UTP23: variants seen among roughly 807,000 people sequenced by gnomAD.
UTP23 encodes UTP23 small subunit processome component, also known as rRNA-processing protein UTP23 homolog.
A neutral mutation model predicts 19.8 loss-of-function variants in UTP23; 10 were observed. That is an observed-to-expected ratio of 0.50 (90% CI 0.31 to 0.86). The LOEUF is 0.86. Ranked by LOEUF, UTP23 falls within the 40% of genes least tolerant of loss-of-function variation. The pLI, the probability that UTP23 is intolerant of heterozygous loss-of-function variation, is 0.05. For missense variants in UTP23, 282 were observed against 293.1 expected (o/e 0.96, Z 0.28); for synonymous variants, 108 against 105.4 (o/e 1.02, Z -0.15).
chr8:116,766,537 C>T lies in UTP23; in HGVS notation c.-67C>T, dbSNP rs1815578353. The T allele has an allele frequency of 1.3e-6, 2 of 1,542,592 alleles. No homozygotes were observed. The highest frequency in any genetic ancestry group is 1.8e-6 in the Non-Finnish European group (2 of 1,139,824). ...CCGGGTGAAACTGGCATTGAGGGTA[C>T]TGGGGCGTGCGTGAGGCGTTTACTG... On this transcript the variant is annotated 5_prime_UTR_variant, in exon 1 of 3. Transcript: ENST00000309822.
At position 116,773,464 on chromosome 8, in the gene UTP23, C is replaced by CT. The variant is rs1488430055; in HGVS notation, c.*1628dup. ...TGAACTGGAGAGCTGGAAAAATCCACTTTTTTATGAAGCAGTAATTATAGA... is the reference window on the plus strand; with the variant it reads ...TGAACTGGAGAGCTGGAAAAATCCACTTTTTTTATGAAGCAGTAATTATAGA... On this transcript the variant is annotated 3_prime_UTR_variant, in exon 3 of 3. Transcript: ENST00000309822. 4.1e-5 allele frequency: 40 copies of CT among 983,598 alleles called. No homozygotes were observed. The highest frequency in any genetic ancestry group is 4.7e-5 in the Non-Finnish European group (39 of 828,446). The allele number at this position is 983,598 out of a possible 1,614,324, so 60.9% of individuals were successfully genotyped here.
At chr8:116,767,687 G>A (rs1815602416) in intron 1 of UTP23, among the ~76,000 whole-genome samples, 1 of 152,164 alleles carries the variant, frequency 6.6e-6, no homozygotes, top group Admixed American at 6.5e-5. Flanking sequence ...GAAATGCCTG[G>A]GAAAGAGGTT....
At chr8:116,768,694 T>C (rs1815615501) in intron 1 of UTP23, among the ~76,000 whole-genome samples, 1 of 152,224 alleles carries the variant, frequency 6.6e-6, no homozygotes, top group African/African-American at 2.4e-5. Context: ...AGATGGAGTC[T>C]CACTTTATTG....
chr8:116,767,118 C>G (rs1019902003), intron 1 of UTP23, among the ~76,000 whole-genome samples: 1 of 152,198 alleles, frequency 6.6e-6, no homozygotes, highest in African/African-American at 2.4e-5. Flanking sequence ...CCTCGGATTC[C>G]TCATTTGTAA....
chr8:116,770,131 T>C (rs1369946358), intron 1 of UTP23, 61 bp from the exon 2 acceptor site: 1 of 1,410,200 alleles, frequency 7.1e-7, no homozygotes, highest in Non-Finnish European at 9.5e-7. Context: ...AAAAATCGAC[T>C]ATTGTTTTTT....
At position 116,771,884 on chromosome 8, in the gene UTP23, A is replaced by AT. The variant is rs1815661674; in HGVS notation, c.*48dup. ...CAAGGACATTCAAATGTGAAAATGA[A>AT]TTTTTTACAACTAGAAGTATTTATA... On this transcript the variant is annotated 3_prime_UTR_variant, in exon 3 of 3. Coordinates refer to ENST00000309822, the MANE Select transcript of UTP23 (RefSeq NM_032334.3). 1 of 1,498,024 alleles carries AT rather than the reference A, an allele frequency of 6.7e-7. No individual in the cohort carries two copies. The highest frequency in any genetic ancestry group is 2.1e-4 in the Middle Eastern group (1 of 4,680). 92.8% of individuals were successfully genotyped at this position (1,498,024 alleles called of 1,614,324 possible). A position where few individuals can be genotyped will look rare whatever the true frequency, so the allele number is the denominator to read the frequency against.
chr8:116,774,198 G>A lies in UTP23; in HGVS notation c.*2356G>A. 9.1e-6 allele frequency: 9 copies of A among 985,268 alleles called. No individual in the cohort carries two copies. Among genetic ancestry groups the A allele is most frequent in the Non-Finnish European group, 8.4e-6 (7 of 829,916 alleles). The allele number at this position is 985,268 out of a possible 1,614,324, so 61.0% of individuals were successfully genotyped here. On this transcript the variant is annotated 3_prime_UTR_variant, in exon 3 of 3. Coordinates refer to ENST00000309822, the MANE Select transcript of UTP23 (RefSeq NM_032334.3). ...GTTTCTGAAGACCACTATCTTTTAC[G>A]AACACTTAAAAATAAGTGTTTGCAG...
At position 116,773,965 on chromosome 8, in the gene UTP23, T is replaced by A. The variant is rs1001256865; in HGVS notation, c.*2123T>A. On this transcript the variant is annotated 3_prime_UTR_variant, in exon 3 of 3. Transcript: ENST00000309822. ...AATACTATCCCTATACCACTACCCC[T>A]AAAACCTCAGAATTATTTGCTTTAT... 1 of 985,280 alleles carries A rather than the reference T, an allele frequency of 1.0e-6. No individual in the cohort carries two copies. Among genetic ancestry groups the A allele is most frequent in the African/African-American group, 1.7e-5 (1 of 57,226 alleles). The allele number at this position is 985,280 out of a possible 1,614,324, so 61.0% of individuals were successfully genotyped here. A position where few individuals can be genotyped will look rare whatever the true frequency, so the allele number is the denominator to read the frequency against.
rs997072189 is a variant in UTP23, at chr8:116,772,606, T to G, written c.*764T>G. On this transcript the variant is annotated 3_prime_UTR_variant, in exon 3 of 3. Coordinates refer to ENST00000309822, the MANE Select transcript of UTP23 (RefSeq NM_032334.3). The stretch of plus-strand genomic sequence containing the variant: ...GTATTTTCATTATTATGACTAGAGT[T>G]TTTTTGTTTGTTTGTTTGAGTTCTA... The G allele has an allele frequency of 1.0e-6, 1 of 984,610 alleles. No homozygotes were observed. The highest frequency in any genetic ancestry group is 1.7e-5 in the African/African-American group (1 of 57,220). 61.0% of individuals were successfully genotyped at this position (984,610 alleles called of 1,614,324 possible).
Sources: gnomAD v4.1 joint callset for allele counts (sites outside exome capture counted in the v4.1 genomes callset) on GRCh38, gnomAD v4.1.1 for gene constraint, MANE v1.5 for transcripts, NCBI Gene and HGNC (gene_info 2026-07-23, HGNC 2026-07-21) for gene names.